The following CACNA1B variants were observed in gnomAD, a reference collection of about 807,000 sequenced individuals.
CACNA1B encodes calcium voltage-gated channel subunit alpha1 B, also known as voltage-dependent N-type calcium channel subunit alpha-1B.
A neutral mutation model predicts 247.2 loss-of-function variants in CACNA1B; 70 were observed. That is an observed-to-expected ratio of 0.28 (90% CI 0.23 to 0.35). CACNA1B has a LOEUF of 0.35. Ranked by LOEUF, CACNA1B falls within the 10% of genes least tolerant of loss-of-function variation. The pLI is 1.00. For synonymous variants in CACNA1B, 1,231 were observed against 1,294.4 expected (o/e 0.95, Z 1.05); for missense variants, 2,367 against 3,197.4 (o/e 0.74, Z 6.26).
intron 19 of CACNA1B, among the ~76,000 whole-genome samples, chr9:138,024,598 G>A (rs1009554299): frequency 1.3e-5 from 2 of 152,144 alleles, no homozygotes; most frequent in Admixed American, 6.5e-5. Flanking sequence ...GGAGGCTTAA[G>A]GGTTTTGGTT....
In CACNA1B at chr9:138,083,834, G is replaced by T. The variant is rs1960606973; in HGVS notation, c.5094+5576G>T. On this transcript the variant is annotated intron_variant, in intron 36 of 46. Transcript: ENST00000371372. ...TGAGAGCGGTGCTCTGCCATTCTAG[G>T]GTACTTGCTGCTGCTACACCTGTTC... Among the ~76,000 whole-genome samples, 4 of 150,424 alleles carry T rather than the reference G, an allele frequency of 2.7e-5. 1 individual carries two copies. In the East Asian group the frequency reaches 8.4e-4, roughly 32 times the overall value.
chr9:137,945,066 C>T (rs1957779487), intron 6 of CACNA1B, among the ~76,000 whole-genome samples: 1 of 152,176 alleles, frequency 6.6e-6, no homozygotes, highest in Admixed American at 6.5e-5. Flanking sequence ...TGACAATTTA[C>T]CCTGCCTTTT....
Position 138,124,533 on chromosome 9 carries a change from A to C in CACNA1B, c.*2534A>C, listed in dbSNP as rs1477837965. On this transcript the variant is annotated 3_prime_UTR_variant, in exon 47 of 47. Coordinates refer to ENST00000371372, the MANE Select transcript of CACNA1B (RefSeq NM_000718.4). ...GTCATATTTATCAGCCAAACTTTGG[A>C]TTCTGCTGTTGTTTCTACAATGACA... 6.6e-6 allele frequency: 1 copy of C among 152,124 alleles called. No individual in the cohort carries two copies. Among genetic ancestry groups the C allele is most frequent in the East Asian group, 1.9e-4 (1 of 5,194 alleles). 9.4% of individuals were successfully genotyped at this position (152,124 alleles called of 1,614,324 possible).
rs1023725108 is a variant in CACNA1B, at chr9:137,971,573, G to T, written c.1524G>T (p.Arg508=). The T allele has an allele frequency of 5.0e-6, 8 of 1,613,188 alleles. No individual in the cohort carries two copies. The African/African-American group carries it at 8.0e-5, about 16-fold the overall frequency. The change falls in exon 11 of 47, where the codon CGG becomes CGT. Residue 508 remains arginine (R), a synonymous_variant. Transcript: ENST00000371372. The surrounding 1 kb of genome is among the most constrained non-coding windows in gnomAD (Gnocchi z 4.4). ...CCATGGTGCATTACAACCAGCCGCG[G>T]CGGCTTACCACGACCCTGTGTACGT... ...CVAMVHYNQP[R]RLTTTLYFAE...
In CACNA1B at chr9:137,966,265, C is replaced by T. The variant is rs1589037609; in HGVS notation, c.1334-5118C>T. On this transcript the variant is annotated intron_variant, in intron 10 of 46. Transcript: ENST00000371372. ...TTTGAGACAGAGTCTTGCTCTGTTGCCCAGGCTGGAGTGCAGTGGCGCGAT... is the reference window on the plus strand; with the variant it reads ...TTTGAGACAGAGTCTTGCTCTGTTGTCCAGGCTGGAGTGCAGTGGCGCGAT... Among the ~76,000 whole-genome samples, 3 of 149,636 alleles carry T rather than the reference C, an allele frequency of 2.0e-5. No individual in the cohort carries two copies. In the Middle Eastern group the frequency reaches 0.01, roughly 512 times the overall value.
intron 23 of CACNA1B, 136 bp downstream of exon 23, chr9:138,047,594 G>A: frequency 1.5e-6 from 1 of 663,286 alleles, no homozygotes; most frequent in Non-Finnish European, 2.7e-6. Flanking sequence ...CGTACTGGGT[G>A]TGTGCTCAGC....
chr9:137,964,814 A>G (rs1958056627), intron 10 of CACNA1B, among the ~76,000 whole-genome samples: 1 of 152,108 alleles, frequency 6.6e-6, no homozygotes, highest in Non-Finnish European at 1.5e-5. Flanking sequence ...TGTGTTGATT[A>G]TTTCTCATCT....
At position 138,102,996 on chromosome 9, in the gene CACNA1B, G is replaced by T. The variant is rs1961304612; in HGVS notation, c.5319+189G>T. 6.6e-6 allele frequency among the ~76,000 whole-genome samples: 1 copy of T among 152,130 alleles called. No homozygotes were observed. The highest frequency in any genetic ancestry group is 1.5e-5 in the Non-Finnish European group (1 of 68,036). ...ATCCCAGCTTCCTTCCCAGACAGAG[G>T]GATGTGGCCACCATGATGTCTCACT... On this transcript the variant is annotated intron_variant, in intron 38 of 46. Transcript: ENST00000371372. The surrounding 1 kb of genome is among the most constrained non-coding windows in gnomAD (Gnocchi z 5.4).
chr9:138,004,619 A>T (rs1958624352), intron 15 of CACNA1B, among the ~76,000 whole-genome samples: 1 of 152,096 alleles, frequency 6.6e-6, no homozygotes, highest in South Asian at 2.1e-4. Context: ...AAGTTGAAGA[A>T]TGATGTGTAG....
At chr9:137,980,180 C>T (rs780259530) in intron 12 of CACNA1B, among the ~76,000 whole-genome samples, 8 of 152,346 alleles carry the variant, frequency 5.3e-5, no homozygotes, top group Non-Finnish European at 1.2e-4. Flanking sequence ...GGTGATGTCT[C>T]TGCATATATG....
intron 20 of CACNA1B, among the ~76,000 whole-genome samples, chr9:138,034,587 A>T (rs1314853194): frequency 6.6e-6 from 1 of 151,904 alleles, no homozygotes. Flanking sequence ...GCCTTTAAAA[A>T]ATCTGTGCCT....
chr9:138,002,998 T>C (rs561502630), intron 15 of CACNA1B, among the ~76,000 whole-genome samples: 42 of 151,724 alleles, frequency 2.8e-4, no homozygotes, highest in African/African-American at 9.2e-4. Flanking sequence ...AGGGTTTCAC[T>C]GTGTTGGCCA....
Position 138,114,449 on chromosome 9 carries a change from A to G in CACNA1B, c.5608A>G (p.Thr1870Ala). The change falls in exon 41 of 47, where the codon ACC (threonine) becomes GCC (alanine). Residue 1870 changes from threonine to alanine, a missense_variant. Thr to Ala is a moderately conservative substitution (Grantham distance 58). Transcript: ENST00000371372. ...IFDFYKQNKTTRDQMQQAPGG... is the reference protein window; with the variant it reads ...IFDFYKQNKTARDQMQQAPGG... ...CGACTTCTACAAGCAGAACAAAACC[A>G]CCAGAGACCAGATGCAGCAGGCTCC... The G allele has an allele frequency of 1.3e-6, 2 of 1,589,380 alleles. No homozygotes were observed. Among genetic ancestry groups the G allele is most frequent in the Non-Finnish European group, 1.7e-6 (2 of 1,167,144 alleles).
chr9:137,912,719 G>A (rs1957371446), intron 3 of CACNA1B, among the ~76,000 whole-genome samples: 1 of 152,184 alleles, frequency 6.6e-6, no homozygotes, highest in Non-Finnish European at 1.5e-5. Flanking sequence ...GGTGGTATAT[G>A]GGGGTCGGTT....
chr9:137,988,135 A>G (rs560091773), intron 15 of CACNA1B, among the ~76,000 whole-genome samples: 1 of 152,286 alleles, frequency 6.6e-6, no homozygotes, highest in South Asian at 2.1e-4. Context: ...TTAGTGGGTG[A>G]CAGGACCTAT....
chr9:138,070,858 C>T (rs1479971676), intron 32 of CACNA1B, among the ~76,000 whole-genome samples: 1 of 152,250 alleles, frequency 6.6e-6, no homozygotes, highest in Non-Finnish European at 1.5e-5. Context: ...AATTGTCAGT[C>T]TCATTAGAAT....
chr9:138,059,546 G>A lies in CACNA1B; in HGVS notation c.4585-108G>A. ...GTGGCCTGTCTGCCCTGTGCTCAGG[G>A]TCTATCACCCTCACCGCTTTCTTAA... On this transcript the variant is annotated intron_variant, in intron 30 of 46. Transcript: ENST00000371372. The surrounding 1 kb of genome is among the most constrained non-coding windows in gnomAD (Gnocchi z 4.2). 1 of 746,906 alleles carries A rather than the reference G, an allele frequency of 1.3e-6. No homozygotes were observed. The highest frequency in any genetic ancestry group is 2.4e-5 in the East Asian group (1 of 40,880). 46.3% of individuals were successfully genotyped at this position (746,906 alleles called of 1,614,324 possible). A position where few individuals can be genotyped will look rare whatever the true frequency, so the allele number is the denominator to read the frequency against.
In CACNA1B at chr9:137,888,079, G is replaced by T. The variant is rs1957041956; in HGVS notation, c.530+5196G>T. On this transcript the variant is annotated intron_variant, in intron 3 of 46. Transcript: ENST00000371372. The surrounding 1 kb of genome is among the most constrained non-coding windows in gnomAD (Gnocchi z 4.7). Reference sequence around the variant, plus strand: ...AGGTGTGGCCCAATTGACTCGTGATGGGTGCTGGGGGCACAGTGTAGACGG... The same window carrying T: ...AGGTGTGGCCCAATTGACTCGTGATTGGTGCTGGGGGCACAGTGTAGACGG... Among the ~76,000 whole-genome samples the T allele has an allele frequency of 1.3e-5, 2 of 151,416 alleles. No homozygotes were observed. Among genetic ancestry groups the T allele is most frequent in the East Asian group, 3.9e-4 (2 of 5,122 alleles).
intron 6 of CACNA1B, among the ~76,000 whole-genome samples, chr9:137,951,768 G>C (rs1296435517): frequency 1.3e-5 from 2 of 152,178 alleles, no homozygotes; most frequent in African/African-American, 4.8e-5. Flanking sequence ...GGCATGTGGT[G>C]AAACTGAAAA....
Sources: allele counts gnomAD v4.1 joint callset (sites outside exome capture counted in the v4.1 genomes callset), GRCh38; gene constraint gnomAD v4.1.1; non-coding constraint Gnocchi (gnomAD v3.1); transcripts MANE v1.5; gene names NCBI Gene and HGNC (gene_info 2026-07-23, HGNC 2026-07-21).